Variants in DICER1 observed in about 807,000 individuals in gnomAD.
The protein encoded by DICER1 is endoribonuclease Dicer.
A neutral mutation model predicts 194.1 loss-of-function variants in DICER1; 43 were observed. The observed-to-expected ratio is 0.22, with a 90% CI of 0.17 to 0.29. The LOEUF (loss-of-function observed/expected upper bound fraction) is 0.29. Among genes scored for constraint, DICER1 ranks in the 10% least tolerant of loss-of-function variants. The pLI, the probability that DICER1 is intolerant of heterozygous loss-of-function variation, is 1.00. For synonymous variants in DICER1, 832 were observed against 820.5 expected, an observed-to-expected ratio of 1.01 and a Z score of -0.24; for missense variants, 1,608 against 2,317.0, an observed-to-expected ratio of 0.69 and a Z score of 6.28.
In DICER1 at chr14:95,086,517, AT is replaced by A. The variant is rs1336162275; in HGVS notation, c.*3980del. Reference sequence around the variant, plus strand: ...TCCTGTTCACCTTTGCATTTTTGCTATGTAACCTGCTGCTGCAGTGAATTCT... The same window carrying A: ...TCCTGTTCACCTTTGCATTTTTGCTAGTAACCTGCTGCTGCAGTGAATTCT... On this transcript the variant is annotated 3_prime_UTR_variant, in exon 27 of 27. Transcript: ENST00000343455. 4.3e-6 allele frequency: 1 copy of A among 233,268 alleles called. No homozygotes were observed. Among genetic ancestry groups the A allele is most frequent in the Non-Finnish European group, 8.5e-6 (1 of 117,894 alleles). The allele number at this position is 233,268 out of a possible 1,614,324, so 14.4% of individuals were successfully genotyped here. A position where few individuals can be genotyped will look rare whatever the true frequency, so the allele number is the denominator to read the frequency against.
intron 21 of DICER1, among the ~76,000 whole-genome samples, chr14:95,101,451 C>T (rs1001540498): frequency 6.6e-6 from 1 of 152,192 alleles, no homozygotes; most frequent in Non-Finnish European, 1.5e-5. Flanking sequence ...CCTGCAACCA[C>T]CTCTTGGAAA....
At chr14:95,098,553 TA>T (rs35599190) in intron 22 of DICER1, among the ~76,000 whole-genome samples, 5 of 150,368 alleles carry the variant, frequency 3.3e-5, no homozygotes, top group Admixed American at 6.6e-5. Flanking sequence ...TGTTGTATCT[TA>T]AAAAAAAAAT....
At chr14:95,118,423 C>A (rs1283722054) in intron 8 of DICER1, among the ~76,000 whole-genome samples, 1 of 152,198 alleles carries the variant, frequency 6.6e-6, no homozygotes, top group East Asian at 1.9e-4. Flanking sequence ...GACCAAAATT[C>A]TGCACAGCAT....
At chr14:95,144,708 T>C (rs1322553673) in intron 1 of DICER1, among the ~76,000 whole-genome samples, 1 of 152,136 alleles carries the variant, frequency 6.6e-6, no homozygotes, top group African/African-American at 2.4e-5. Context: ...CAGATTAACC[T>C]GAAAAACCAC....
At chr14:95,126,127 C>T (rs771894960) in intron 7 of DICER1, among the ~76,000 whole-genome samples, 2 of 152,174 alleles carry the variant, frequency 1.3e-5, no homozygotes, top group Non-Finnish European at 2.9e-5. Flanking sequence ...CACCCAGATG[C>T]TGCTGATGAT....
At chr14:95,146,717 C>T (rs1895159407) in intron 1 of DICER1, among the ~76,000 whole-genome samples, 3 of 152,150 alleles carry the variant, frequency 2.0e-5, no homozygotes, top group Admixed American at 2.0e-4. Context: ...GTGGCACAGG[C>T]AGGCCAAGTG....
intron 1 of DICER1, among the ~76,000 whole-genome samples, chr14:95,139,779 G>C (rs1253887776): frequency 6.6e-6 from 1 of 152,222 alleles, no homozygotes; most frequent in Non-Finnish European, 1.5e-5. Context: ...ATGAGTGCAG[G>C]AGAGAGGATG....
intron 7 of DICER1, 82 bp downstream of exon 7, chr14:95,126,498 A>G (rs1566806469): frequency 2.2e-6 from 2 of 912,472 alleles, no homozygotes; most frequent in African/African-American, 1.7e-5. Context: ...AAAGAGCCGC[A>G]TTAAGCATAT....
At chr14:95,094,305 C>CT (rs1339205371) in intron 23 of DICER1, 149 bp from the exon 24 acceptor site, 4 of 1,028,716 alleles carry the variant, frequency 3.9e-6, no homozygotes, top group Non-Finnish European at 5.6e-6. Context: ...ACATATCATA[C>CT]TAAAAAGCCT....
chr14:95,131,435 G>T, intron 4 of DICER1, 74 bp downstream of exon 4: 1 of 1,429,416 alleles, frequency 7.0e-7, no homozygotes, highest in Non-Finnish European at 9.9e-7. Context: ...GACAACCAAG[G>T]CTACAGATCA....
chr14:95,111,965 G>T (rs1228132673), intron 13 of DICER1, among the ~76,000 whole-genome samples: 1 of 152,192 alleles, frequency 6.6e-6, no homozygotes, highest in Non-Finnish European at 1.5e-5. Flanking sequence ...GTTGTTTGCA[G>T]TCAAGCTATG....
At chr14:95,094,256 A>T in intron 23 of DICER1, 100 bp from the exon 24 acceptor site, 1 of 1,439,862 alleles carries the variant, frequency 6.9e-7, no homozygotes, top group South Asian at 1.2e-5. Flanking sequence ...TTGTATTTAC[A>T]ATCATTTTCA....
In DICER1 at chr14:95,122,934, A is replaced by ACG. The variant is rs776119598; in HGVS notation, c.1376+1260_1376+1261dup. On this transcript the variant is annotated intron_variant, in intron 8 of 26. Coordinates refer to ENST00000343455, the MANE Select transcript of DICER1 (RefSeq NM_177438.3). ...GTTAAGCGCGTGTGCGCGTGCGTGT[A>ACG]CGCGCGCGCGCGCGCACACACACAC... 1.7e-3 allele frequency among the ~76,000 whole-genome samples: 243 copies of ACG among 146,592 alleles called. 1 individual carries two copies. The highest frequency in any genetic ancestry group is 4.6e-3 in the East Asian group (23 of 5,040).
intron 22 of DICER1, among the ~76,000 whole-genome samples, chr14:95,097,359 A>G (rs1890448172): frequency 6.6e-6 from 1 of 152,182 alleles, no homozygotes; most frequent in Non-Finnish European, 1.5e-5. Context: ...CTAAGCTATG[A>G]ATTTGAGAAG....
chr14:95,092,328 G>A (rs1006158830), intron 24 of DICER1, among the ~76,000 whole-genome samples: 3 of 152,012 alleles, frequency 2.0e-5, no homozygotes, highest in African/African-American at 4.8e-5. Context: ...GGTTATTTCC[G>A]AGGTAGCATA....
At position 95,111,297 on chromosome 14, in the gene DICER1, CT is replaced by C. The variant is rs1280613149; in HGVS notation, c.2256+19del. On this transcript the variant is annotated intron_variant, in intron 14 of 26. Coordinates refer to ENST00000343455, the MANE Select transcript of DICER1 (RefSeq NM_177438.3). Reference sequence around the variant, plus strand: ...AAGTCAGAAATGCTAGGTTTTTACTCTGTTCTAACCAATACTAACTGCTTTT... The same window carrying C: ...AAGTCAGAAATGCTAGGTTTTTACTCGTTCTAACCAATACTAACTGCTTTT... 1.2e-6 allele frequency: 2 copies of C among 1,614,072 alleles called. No individual in the cohort carries two copies. The highest frequency in any genetic ancestry group is 1.7e-6 in the Non-Finnish European group (2 of 1,179,940).
intron 8 of DICER1, among the ~76,000 whole-genome samples, chr14:95,118,622 G>C (rs989600215): frequency 2.0e-5 from 3 of 152,094 alleles, no homozygotes; most frequent in African/African-American, 7.2e-5. Context: ...GGGTGCAGAA[G>C]GTTAACAGTT....
intron 1 of DICER1, among the ~76,000 whole-genome samples, chr14:95,156,326 G>T (rs554345921): frequency 7.2e-5 from 11 of 152,286 alleles, no homozygotes; most frequent in Non-Finnish European, 1.3e-4. Context: ...TTTAAAACCT[G>T]AAAGTCCTAA....
In DICER1 at chr14:95,147,605, C is replaced by T. The variant is rs1412572299; in HGVS notation, c.-46+9625G>A. On this transcript the variant is annotated intron_variant, in intron 1 of 26. Transcript: ENST00000343455. ...TTCTGTGACCAAATGTGTGGGGTTT[C>T]TCCCCAACAACAAGCAAGCCATCAA... Among the ~76,000 whole-genome samples the T allele has an allele frequency of 3.3e-5, 5 of 152,310 alleles. No individual in the cohort carries two copies. In the East Asian group the frequency reaches 7.7e-4, roughly 23 times the overall value.
Sources: gnomAD v4.1 joint callset for allele counts (sites outside exome capture counted in the v4.1 genomes callset) on GRCh38, gnomAD v4.1.1 for gene constraint, MANE v1.5 for transcripts, NCBI Gene and HGNC (gene_info 2026-07-23, HGNC 2026-07-21) for gene names.